The following WASHC4 variants were observed in gnomAD, a reference collection of about 807,000 sequenced individuals.
WASHC4 encodes the protein WASH complex subunit 7.
A neutral mutation model predicts 166.6 loss-of-function variants in WASHC4; 86 were observed. The ratio of observed to expected loss-of-function variants is 0.52; its 90% CI spans 0.43 to 0.62. The LOEUF (loss-of-function observed/expected upper bound fraction) is 0.62, where lower values mean the gene tolerates loss of function less well. Ranked by LOEUF, WASHC4 falls within the 20% of genes least tolerant of loss-of-function variation. The probability of loss-of-function intolerance (pLI) is 0.00; values close to 1 mark genes in which losing one functional copy is unlikely to be tolerated. For missense variants in WASHC4, 1,262 were observed against 1,382.4 expected, an observed-to-expected ratio of 0.91 and a Z score of 1.38; for synonymous variants, 446 against 451.6, an observed-to-expected ratio of 0.99 and a Z score of 0.16.
intron 25 of WASHC4, 110 bp downstream of exon 25, chr12:105,149,859 C>T (rs988725733): frequency 4.5e-6 from 5 of 1,114,034 alleles, no homozygotes; most frequent in Non-Finnish European, 6.1e-6. Context: ...GTTTTATTTT[C>T]CCTATAATTT....
intron 13 of WASHC4, 41 bp from the exon 14 acceptor site, chr12:105,133,729 A>C: frequency 6.3e-7 from 1 of 1,581,930 alleles, no homozygotes; most frequent in Non-Finnish European, 8.7e-7. Context: ...AATGGAAGTA[A>C]ATTTTCTTTG....
Position 105,127,129 on chromosome 12 carries a change from G to A in WASHC4, c.1039G>A (p.Val347Ile), listed in dbSNP as rs1395836537. The A allele has an allele frequency of 2.5e-6, 4 of 1,612,158 alleles. No individual in the cohort carries two copies. In the East Asian group the frequency reaches 6.7e-5, roughly 27 times the overall value. Residue 347 changes from valine (V) to isoleucine (I), a missense_variant and splice_region_variant, in exon 13 of 33, where the codon GTA becomes ATA. Transcript: ENST00000332180. ...YKSLLDICKK[V>I]PAITLTANII... ...TCCCCTTTTCCCTTTTCTGTTTCAG[G>A]TACCAGCCATCACTCTAACTGCTAA...
chr12:105,166,427 T>C (rs898770171), intron 32 of WASHC4, among the ~76,000 whole-genome samples: 2 of 152,180 alleles, frequency 1.3e-5, no homozygotes, highest in African/African-American at 4.8e-5. Context: ...TGGAAAGTTA[T>C]TCATTCTGGA....
chr12:105,140,918 A>G lies in WASHC4; in HGVS notation c.1580A>G (p.Lys527Arg), dbSNP rs779062299. ...TTTAAGAAAAGAGTGATTTCTGACA[A>G]AAAATACAGCGAACAGCGTCTTGAT... is the stretch of plus-strand genomic sequence containing the variant. ...SVAKKRVISD[K>R]KYSEQRLDVL... Residue 527 changes from lysine to arginine, a missense_variant, in exon 17 of 33, where the codon AAA (lysine) becomes AGA (arginine). By Grantham distance (26) the Lys-to-Arg change is conservative. Transcript: ENST00000332180. The G allele has an allele frequency of 4.3e-6, 7 of 1,614,000 alleles. No homozygotes were observed. Among genetic ancestry groups the G allele is most frequent in the Non-Finnish European group, 5.9e-6 (7 of 1,180,026 alleles).
chr12:105,160,175 A>AT (rs567393256), intron 29 of WASHC4, 27 bp downstream of exon 29: 1,535 of 1,552,370 alleles, frequency 9.9e-4, no homozygotes, highest in Non-Finnish European at 1.2e-3. Flanking sequence ...CCTAAAATGA[A>AT]TTTTTTTTTT....
In WASHC4 at chr12:105,161,810, T is replaced by TA. The variant is rs1341084792; in HGVS notation, c.3061-938dup. On this transcript the variant is annotated intron_variant, in intron 29 of 32. Transcript: ENST00000332180. ...CTATTATAGTACTTAGCACACTGTA[T>TA]ATCATAATTAGTTTTTAAACACTTC... 3.3e-5 allele frequency among the ~76,000 whole-genome samples: 5 copies of TA among 152,348 alleles called. No homozygotes were observed. In the East Asian group the frequency reaches 5.8e-4, roughly 18 times the overall value.
intron 15 of WASHC4, 126 bp downstream of exon 15, chr12:105,138,137 C>T: frequency 1.2e-6 from 1 of 857,340 alleles, no homozygotes; most frequent in East Asian, 2.7e-5. Context: ...AAGTACTTCT[C>T]TCTCAATTGA....
At chr12:105,141,660 A>G (rs1566016289) in intron 18 of WASHC4, among the ~76,000 whole-genome samples, 1 of 152,178 alleles carries the variant, frequency 6.6e-6, no homozygotes, top group Non-Finnish European at 1.5e-5. Flanking sequence ...ACATTGTTGA[A>G]TTAGTTTTTG....
rs563576654 is a variant in WASHC4, at chr12:105,168,227, G to T, written c.*1296G>T. 1 of 152,422 alleles carries T rather than the reference G, an allele frequency of 6.6e-6. No individual in the cohort carries two copies. The allele number at this position is 152,422 out of a possible 1,614,324, so 9.4% of individuals were successfully genotyped here. A position where few individuals can be genotyped will look rare whatever the true frequency, so the allele number is the denominator to read the frequency against. On this transcript the variant is annotated 3_prime_UTR_variant, in exon 33 of 33. Coordinates refer to ENST00000332180, the MANE Select transcript of WASHC4 (RefSeq NM_015275.3). ...GTTTGTACTTACTGGTTAGGGTCAGGGTAACTTGCCAGCCCAAGATAAATA... is the reference window on the plus strand; with the variant it reads ...GTTTGTACTTACTGGTTAGGGTCAGTGTAACTTGCCAGCCCAAGATAAATA...
At chr12:105,148,562 T>C (rs1319780126) in intron 24 of WASHC4, 4 of 985,202 alleles carry the variant, frequency 4.1e-6, no homozygotes, top group African/African-American at 3.5e-5. Context: ...TACCCACTAT[T>C]AAGAGTGGAA....
At chr12:105,146,564 G>T (rs776521831) in intron 23 of WASHC4, 38 bp downstream of exon 23, 2 of 1,134,710 alleles carry the variant, frequency 1.8e-6, no homozygotes, top group Non-Finnish European at 2.7e-6. Flanking sequence ...TTTAATGTAG[G>T]TGGAGATAGT....
At chr12:105,136,535 T>A (rs1882332928) in intron 14 of WASHC4, among the ~76,000 whole-genome samples, 1 of 152,140 alleles carries the variant, frequency 6.6e-6, no homozygotes, top group Non-Finnish European at 1.5e-5. Context: ...TCAAAATACA[T>A]CCCTTCACAA....
chr12:105,109,188 T>C (rs1376269266), intron 1 of WASHC4, among the ~76,000 whole-genome samples: 1 of 152,176 alleles, frequency 6.6e-6, no homozygotes, highest in Non-Finnish European at 1.5e-5. Flanking sequence ...TTAATTTTTT[T>C]TTGTGGAGGG....
At chr12:105,144,918 T>C in intron 22 of WASHC4, 46 bp downstream of exon 22, 3 of 1,562,222 alleles carry the variant, frequency 1.9e-6, no homozygotes, top group Non-Finnish European at 2.6e-6. Flanking sequence ...CTGTTGGCTG[T>C]AACAGTACTT....
At chr12:105,157,182 C>G in intron 27 of WASHC4, 54 bp from the exon 28 acceptor site, 1 of 887,052 alleles carries the variant, frequency 1.1e-6, no homozygotes, top group Non-Finnish European at 1.9e-6. Flanking sequence ...ATATCTGTGT[C>G]AATTGCACAT....
At position 105,146,909 on chromosome 12, in the gene WASHC4, T is replaced by G. The variant is rs1372043974; in HGVS notation, c.2410-133T>G. The G allele has an allele frequency of 9.9e-6, 7 of 704,260 alleles. No individual in the cohort carries two copies. The East Asian group carries it at 1.9e-4, about 19-fold the overall frequency. The allele number at this position is 704,260 out of a possible 1,614,324, so 43.6% of individuals were successfully genotyped here. A position where few individuals can be genotyped will look rare whatever the true frequency, so the allele number is the denominator to read the frequency against. On this transcript the variant is annotated intron_variant, in intron 23 of 32. Coordinates refer to ENST00000332180, the MANE Select transcript of WASHC4 (RefSeq NM_015275.3). ...GATTTTCGGATTAAGGATACTCACC[T>G]GTACTGTCTTGATTGCATTTTCAAT...
chr12:105,152,569 A>G (rs900762650), intron 26 of WASHC4, 118 bp downstream of exon 26: 2 of 699,756 alleles, frequency 2.9e-6, no homozygotes, highest in Middle Eastern at 2.4e-4. Flanking sequence ...GCTTTACTCC[A>G]CTCATGTAAT....
At chr12:105,126,811 A>T (rs1196823) in intron 12 of WASHC4, among the ~76,000 whole-genome samples, 132,565 of 151,662 alleles carry the variant, frequency 0.87, 58,140 homozygotes, top group East Asian at 1. Flanking sequence ...TATGTACTTA[A>T]ATAGAATGAA....
chr12:105,116,392 G>A (rs1880184546), intron 6 of WASHC4, among the ~76,000 whole-genome samples: 1 of 151,768 alleles, frequency 6.6e-6, no homozygotes, highest in African/African-American at 2.4e-5. Context: ...ACTTTTTTTG[G>A]TCTAATTGAT....
Sources: allele counts gnomAD v4.1 joint callset (sites outside exome capture counted in the v4.1 genomes callset), GRCh38; gene constraint gnomAD v4.1.1; transcripts MANE v1.5; gene names NCBI Gene and HGNC (gene_info 2026-07-23, HGNC 2026-07-21).